The following DLG2 variants were observed in gnomAD, a reference collection of about 807,000 sequenced individuals.
DLG2 encodes discs large MAGUK scaffold protein 2.
DLG2 carries 45 observed loss-of-function variants against 132.5 expected under a neutral mutation model. The ratio of observed to expected loss-of-function variants is 0.34; its 90% CI spans 0.27 to 0.44. The LOEUF (loss-of-function observed/expected upper bound fraction) is 0.44. Ranked by LOEUF, DLG2 falls within the 20% of genes least tolerant of loss-of-function variation. The probability of loss-of-function intolerance (pLI) is 1.00; values close to 1 mark genes in which losing one functional copy is unlikely to be tolerated. For synonymous variants in DLG2, 424 were observed against 419.6 expected (o/e 1.01, Z -0.13); for missense variants, 1,045 against 1,196.9 (o/e 0.87, Z 1.87).
intron 7 of DLG2, among the ~76,000 whole-genome samples, chr11:84,251,637 C>T (rs201913465): frequency 2.4e-4 from 31 of 130,000 alleles, no homozygotes; most frequent in South Asian, 4.6e-4. Flanking sequence ...TGTATCTTTT[C>T]TTTCTTTTTT....
intron 6 of DLG2, among the ~76,000 whole-genome samples, chr11:84,797,036 G>A (rs1163215561): frequency 2.6e-5 from 4 of 151,760 alleles, no homozygotes; most frequent in African/African-American, 7.3e-5. Context: ...TAGTAGAGAC[G>A]GGGTTTCTCC....
intron 18 of DLG2, among the ~76,000 whole-genome samples, chr11:83,695,585 C>A (rs887407619): frequency 6.6e-6 from 1 of 151,844 alleles, no homozygotes; most frequent in Non-Finnish European, 1.5e-5. Context: ...CTAAAAATAC[C>A]AAAATTAGCT....
intron 15 of DLG2, among the ~76,000 whole-genome samples, chr11:83,888,186 T>C (rs11233781): frequency 0.032 from 4,830 of 151,722 alleles, 95 homozygotes; most frequent in Non-Finnish European, 0.04. Context: ...GACATGATTG[T>C]ATATCTAGAA....
intron 8 of DLG2, among the ~76,000 whole-genome samples, chr11:84,193,716 C>T (rs1219786145): frequency 6.6e-6 from 1 of 152,186 alleles, no homozygotes; most frequent in Non-Finnish European, 1.5e-5. Context: ...TCAAATTAAA[C>T]TATCCTAACC....
intron 7 of DLG2, among the ~76,000 whole-genome samples, chr11:84,434,918 GA>G (rs770101910): frequency 0.022 from 1,761 of 79,226 alleles, 6 homozygotes; most frequent in East Asian, 0.061. Flanking sequence ...GTCACCTACT[GA>G]AAAAAAAAAA....
intron 6 of DLG2, among the ~76,000 whole-genome samples, chr11:84,988,829 C>T (rs2056787485): frequency 6.6e-6 from 1 of 152,110 alleles, no homozygotes; most frequent in African/African-American, 2.4e-5. Flanking sequence ...ACAGAACTTA[C>T]TCACGTAACC....
rs59782952 is a variant in DLG2, at chr11:83,724,476, T to TGAGAGAGAGAGAGAGAGA, written c.1825+62196_1825+62213dup. On this transcript the variant is annotated intron_variant, in intron 18 of 27. Transcript: ENST00000376104. ...CTCTCTCCGTGTGTGTGTGTGTGTG[T>TGAGAGAGAGAGAGAGAGA]GAGAGAGAGAGAGAGAGAGAGAGAG... Among the ~76,000 whole-genome samples the TGAGAGAGAGAGAGAGAGA allele has an allele frequency of 4.1e-4, 49 of 118,226 alleles. 1 individual carries two copies. Among genetic ancestry groups the TGAGAGAGAGAGAGAGAGA allele is most frequent in the East Asian group, 3.2e-3 (12 of 3,708 alleles). 77.6% of individuals were successfully genotyped at this position (118,226 alleles called of 152,430 possible).
chr11:84,793,147 C>T (rs545661641), intron 6 of DLG2, among the ~76,000 whole-genome samples: 12 of 152,192 alleles, frequency 7.9e-5, no homozygotes, highest in Non-Finnish European at 1.3e-4. Flanking sequence ...TTTTCGGTTT[C>T]CTTCTAAATG....
At chr11:83,534,743 C>T (rs2141177792) in intron 20 of DLG2, among the ~76,000 whole-genome samples, 1 of 152,134 alleles carries the variant, frequency 6.6e-6, no homozygotes, top group South Asian at 2.1e-4. Flanking sequence ...TCGAGACCCG[C>T]CTGGCCAACA....
chr11:83,816,463 A>G (rs1361709495), intron 17 of DLG2, among the ~76,000 whole-genome samples: 3 of 152,188 alleles, frequency 2.0e-5, no homozygotes, highest in Non-Finnish European at 4.4e-5. Flanking sequence ...CCTTATGGCT[A>G]CTTACTAGCT....
intron 6 of DLG2, among the ~76,000 whole-genome samples, chr11:85,033,272 CTG>C (rs1156397521): frequency 1.3e-5 from 2 of 151,300 alleles, no homozygotes; most frequent in South Asian, 2.1e-4. Context: ...TATTTGAAGA[CTG>C]TGCTCAAACT....
chr11:84,344,265 C>A (rs1270725733), intron 7 of DLG2, among the ~76,000 whole-genome samples: 2 of 152,076 alleles, frequency 1.3e-5, no homozygotes, highest in African/African-American at 4.8e-5. Flanking sequence ...AACTATATGA[C>A]CTTGTGTGTA....
intron 6 of DLG2, among the ~76,000 whole-genome samples, chr11:84,750,387 T>G (rs1050055076): frequency 6.6e-6 from 1 of 152,188 alleles, no homozygotes; most frequent in Admixed American, 6.6e-5. Flanking sequence ...AAAGTGAGGT[T>G]TGAAGTCGGA....
At chr11:84,245,376 T>A (rs1382147685) in intron 8 of DLG2, among the ~76,000 whole-genome samples, 1 of 152,216 alleles carries the variant, frequency 6.6e-6, no homozygotes, top group African/African-American at 2.4e-5. Flanking sequence ...TGTCCACAAA[T>A]AACTTTTACA....
intron 19 of DLG2, among the ~76,000 whole-genome samples, chr11:83,610,595 A>G (rs1365078979): frequency 6.6e-6 from 1 of 152,144 alleles, no homozygotes; most frequent in Admixed American, 6.6e-5. Context: ...AATATTTATT[A>G]AGCACATTCA....
intron 19 of DLG2, among the ~76,000 whole-genome samples, chr11:83,590,738 C>T (rs558570448): frequency 1.6e-4 from 24 of 151,954 alleles, no homozygotes; most frequent in South Asian, 1.0e-3. Context: ...ATTGATAGAC[C>T]GCTAGCAAGA....
chr11:84,743,693 T>C (rs2064984777), intron 6 of DLG2, among the ~76,000 whole-genome samples: 1 of 152,032 alleles, frequency 6.6e-6, no homozygotes, highest in African/African-American at 2.4e-5. Flanking sequence ...GAGTTTCAAG[T>C]AGAGAATGAC....
chr11:84,121,823 A>G (rs1402282788), intron 9 of DLG2, among the ~76,000 whole-genome samples: 3 of 151,506 alleles, frequency 2.0e-5, no homozygotes, highest in Admixed American at 2.0e-4. Context: ...AGCCTCCCAA[A>G]GTGCTGGGAT....
intron 19 of DLG2, among the ~76,000 whole-genome samples, chr11:83,545,274 G>A (rs2096208232): frequency 6.6e-6 from 1 of 152,132 alleles, no homozygotes; most frequent in South Asian, 2.1e-4. Context: ...TCTCAAAAGA[G>A]TTATGGTGAG....
Sources: gnomAD v4.1 joint callset for allele counts (sites outside exome capture counted in the v4.1 genomes callset) on GRCh38, gnomAD v4.1.1 for gene constraint, MANE v1.5 for transcripts, NCBI Gene and HGNC (gene_info 2026-07-23, HGNC 2026-07-21) for gene names.